The following TLL1 variants were observed in gnomAD, a reference collection of about 807,000 sequenced individuals.
TLL1 encodes the protein tolloid-like protein 1.
Under a neutral mutation model 128.2 loss-of-function variants are expected in TLL1, and 49 were observed. The observed-to-expected ratio is 0.38, with a 90% confidence interval of 0.30 to 0.48. TLL1 has a LOEUF of 0.48. TLL1 is among the 20% of genes least tolerant of loss of function. The pLI is 0.96. For synonymous variants in TLL1, 454 were observed against 418.8 expected, an observed-to-expected ratio of 1.08 and a Z score of -1.03; for missense variants, 1,123 against 1,242.0, an observed-to-expected ratio of 0.90 and a Z score of 1.44.
At chr4:166,097,740 A>G (rs534575593) in intron 19 of TLL1, among the ~76,000 whole-genome samples, 2 of 152,140 alleles carry the variant, frequency 1.3e-5, no homozygotes, top group East Asian at 3.9e-4. Flanking sequence ...ACTAAGGACT[A>G]TCTGGTCACA....
intron 8 of TLL1, among the ~76,000 whole-genome samples, chr4:166,020,375 A>G (rs1009542773): frequency 2.0e-5 from 3 of 152,218 alleles, no homozygotes; most frequent in Non-Finnish European, 1.5e-5. Flanking sequence ...ACAGATGTCC[A>G]CATAGGGAGG....
At chr4:166,012,728 GCA>G (rs1737754410) in intron 7 of TLL1, among the ~76,000 whole-genome samples, 1 of 151,570 alleles carries the variant, frequency 6.6e-6, no homozygotes, top group Non-Finnish European at 1.5e-5. Context: ...TATGAACTAT[GCA>G]CAGATCTCAC....
chr4:166,094,797 T>C (rs1012017092), intron 19 of TLL1, among the ~76,000 whole-genome samples: 3 of 152,160 alleles, frequency 2.0e-5, no homozygotes, highest in Admixed American at 6.6e-5. Context: ...CTCTTACTTA[T>C]GTCTGCTTTT....
Position 165,877,964 on chromosome 4 carries a change from C to T in TLL1, c.169+3891C>T, listed in dbSNP as rs116935977. The stretch of plus-strand genomic sequence containing the variant: ...TATTCTCTGTAGACATTTGTGAACA[C>T]CTGACAAAAGACTTTCTACCTAGAA... On this transcript the variant is annotated intron_variant, in intron 1 of 20. Transcript: ENST00000061240. Among the ~76,000 whole-genome samples, 11 of 152,150 alleles carry T rather than the reference C, an allele frequency of 7.2e-5. No individual in the cohort carries two copies. In the East Asian group the frequency reaches 2.1e-3, roughly 29 times the overall value.
At chr4:166,097,126 A>G (rs1355222335) in intron 19 of TLL1, among the ~76,000 whole-genome samples, 2 of 152,090 alleles carry the variant, frequency 1.3e-5, no homozygotes, top group Non-Finnish European at 2.9e-5. Context: ...CCCTTTTTAG[A>G]AAAGAAATTG....
intron 17 of TLL1, among the ~76,000 whole-genome samples, chr4:166,076,583 A>T (rs1444584306): frequency 6.6e-6 from 1 of 152,176 alleles, no homozygotes; most frequent in Admixed American, 6.6e-5. Context: ...GGGTTGGATC[A>T]TCTTTTACCT....
intron 1 of TLL1, among the ~76,000 whole-genome samples, chr4:165,905,373 C>T (rs1338169337): frequency 6.6e-6 from 1 of 152,090 alleles, no homozygotes; most frequent in Non-Finnish European, 1.5e-5. Flanking sequence ...TGATTTTATT[C>T]AATAAAGCTG....
intron 6 of TLL1, among the ~76,000 whole-genome samples, chr4:166,007,304 A>G (rs1737484486): frequency 1.3e-5 from 2 of 151,762 alleles, no homozygotes; most frequent in African/African-American, 2.4e-5. Context: ...ACAGATGTGG[A>G]AATTTGGAAA....
chr4:166,065,613 T>C, intron 15 of TLL1, 70 bp from the exon 16 acceptor site: 1 of 1,533,788 alleles, frequency 6.5e-7, no homozygotes. Flanking sequence ...ATAAGATATG[T>C]TTTTTTAAGA....
chr4:165,932,436 C>G (rs1441389744), intron 1 of TLL1, among the ~76,000 whole-genome samples: 2 of 152,046 alleles, frequency 1.3e-5, no homozygotes, highest in East Asian at 3.9e-4. Context: ...AAAGTTCTAC[C>G]ACTGTAACTG....
intron 18 of TLL1, among the ~76,000 whole-genome samples, chr4:166,084,605 T>C (rs1202260636): frequency 2.6e-5 from 4 of 152,188 alleles, no homozygotes; most frequent in Non-Finnish European, 5.9e-5. Flanking sequence ...TGCATGTGGA[T>C]ATCCAGTTTT....
At chr4:165,984,084 G>A (rs1736284956) in intron 1 of TLL1, among the ~76,000 whole-genome samples, 1 of 151,746 alleles carries the variant, frequency 6.6e-6, no homozygotes, top group East Asian at 1.9e-4. Flanking sequence ...GCCTTTGTAT[G>A]AACAAACACT....
chr4:166,066,618 G>C (rs1221928147), intron 16 of TLL1, among the ~76,000 whole-genome samples: 1 of 151,792 alleles, frequency 6.6e-6, no homozygotes, highest in Non-Finnish European at 1.5e-5. Flanking sequence ...TTTGGATTGA[G>C]TTAATTCAAA....
At chr4:166,097,099 G>A (rs145242003) in intron 19 of TLL1, among the ~76,000 whole-genome samples, 21 of 152,168 alleles carry the variant, frequency 1.4e-4, no homozygotes, top group Middle Eastern at 3.4e-3. Context: ...CCTATGATGT[G>A]AGTACTATGG....
At chr4:166,057,459 T>C in intron 14 of TLL1, 150 bp downstream of exon 14, 1 of 1,239,304 alleles carries the variant, frequency 8.1e-7, no homozygotes, top group Admixed American at 2.0e-5. Flanking sequence ...TCACAGCTGA[T>C]GTGAAACCTT....
chr4:165,929,468 G>A (rs968404321), intron 1 of TLL1, among the ~76,000 whole-genome samples: 8 of 151,974 alleles, frequency 5.3e-5, no homozygotes, highest in Admixed American at 6.6e-5. Flanking sequence ...GACCCCAGGA[G>A]GCAGAGGTTG....
At chr4:165,963,154 A>G (rs1325872627) in intron 1 of TLL1, among the ~76,000 whole-genome samples, 1 of 151,856 alleles carries the variant, frequency 6.6e-6, no homozygotes, top group Non-Finnish European at 1.5e-5. Flanking sequence ...ACTGGGGAAT[A>G]CAAGAGGGAG....
At chr4:165,899,154 T>A (rs1364986697) in intron 1 of TLL1, among the ~76,000 whole-genome samples, 1 of 152,200 alleles carries the variant, frequency 6.6e-6, no homozygotes, top group Non-Finnish European at 1.5e-5. Flanking sequence ...ATTTTGTTAA[T>A]CTTTTCAAAC....
At chr4:165,979,435 T>C (rs1736048072) in intron 1 of TLL1, among the ~76,000 whole-genome samples, 1 of 152,088 alleles carries the variant, frequency 6.6e-6, no homozygotes, top group African/African-American at 2.4e-5. Flanking sequence ...ATGATATTTA[T>C]ATAATAAAAA....
Sources: allele counts gnomAD v4.1 joint callset (sites outside exome capture counted in the v4.1 genomes callset), GRCh38; gene constraint gnomAD v4.1.1; transcripts MANE v1.5; gene names NCBI Gene and HGNC (gene_info 2026-07-23, HGNC 2026-07-21).